FCHSD2: variants seen among roughly 807,000 people sequenced by gnomAD.
FCHSD2 encodes FCH and double SH3 domains 2, also known as F-BAR and double SH3 domains protein 2.
Under a neutral mutation model 108.1 loss-of-function variants are expected in FCHSD2, and 38 were observed. That is an observed-to-expected ratio of 0.35 (90% CI 0.27 to 0.46). The LOEUF (loss-of-function observed/expected upper bound fraction) is 0.46. Among genes scored for constraint, FCHSD2 ranks in the 20% least tolerant of loss-of-function variants. The pLI is 1.00. For synonymous variants in FCHSD2, 279 were observed against 314.7 expected (o/e 0.89, Z 1.20); for missense variants, 751 against 897.8 (o/e 0.84, Z 2.09).
chr11:72,880,591 G>A (rs185064989), intron 12 of FCHSD2, among the ~76,000 whole-genome samples: 6 of 152,004 alleles, frequency 3.9e-5, no homozygotes, highest in African/African-American at 9.6e-5. Flanking sequence ...TATAAAAGTC[G>A]GCTCAAAATG....
intron 2 of FCHSD2, among the ~76,000 whole-genome samples, chr11:73,087,848 A>G (rs1859860628): frequency 6.6e-6 from 1 of 152,194 alleles, no homozygotes; most frequent in South Asian, 2.1e-4. Flanking sequence ...AGCAACTTCC[A>G]GTCTCCTAAG....
chr11:72,970,338 C>G (rs535992534), intron 8 of FCHSD2, among the ~76,000 whole-genome samples: 1 of 152,142 alleles, frequency 6.6e-6, no homozygotes, highest in African/African-American at 2.4e-5. Context: ...AAAATACTTA[C>G]AATTCTAATG....
chr11:72,853,932 ATAAT>A (rs1429402941), intron 13 of FCHSD2, among the ~76,000 whole-genome samples: 1 of 152,352 alleles, frequency 6.6e-6, no homozygotes. Flanking sequence ...ATCTTTCCAA[ATAAT>A]TTATGTAAAT....
chr11:73,059,063 C>G (rs1859101214), intron 3 of FCHSD2, among the ~76,000 whole-genome samples: 1 of 152,052 alleles, frequency 6.6e-6, no homozygotes, highest in Non-Finnish European at 1.5e-5. Flanking sequence ...TTGAACTGTA[C>G]TCAATTCAAC....
chr11:73,002,657 A>G (rs921747784), intron 4 of FCHSD2, among the ~76,000 whole-genome samples: 1 of 152,186 alleles, frequency 6.6e-6, no homozygotes, highest in African/African-American at 2.4e-5. Flanking sequence ...GAAGGGAGAT[A>G]CCCTTCATCC....
intron 13 of FCHSD2, among the ~76,000 whole-genome samples, chr11:72,866,888 A>G (rs1162420222): frequency 6.6e-6 from 1 of 152,218 alleles, no homozygotes; most frequent in East Asian, 1.9e-4. Context: ...CTATGAAGAC[A>G]GTGGGAAGTT....
intron 3 of FCHSD2, among the ~76,000 whole-genome samples, chr11:73,076,228 T>C (rs1565398642): frequency 6.6e-6 from 1 of 152,208 alleles, no homozygotes; most frequent in Non-Finnish European, 1.5e-5. Context: ...AAGACTAATA[T>C]GGTTATTAGG....
intron 8 of FCHSD2, among the ~76,000 whole-genome samples, chr11:72,941,278 T>C (rs1856412803): frequency 6.6e-6 from 1 of 152,128 alleles, no homozygotes; most frequent in Non-Finnish European, 1.5e-5. Flanking sequence ...CAGTAAATAT[T>C]TGTTAAATTA....
At chr11:72,924,325 T>G (rs1293854561) in intron 8 of FCHSD2, among the ~76,000 whole-genome samples, 1 of 152,106 alleles carries the variant, frequency 6.6e-6, no homozygotes, top group East Asian at 1.9e-4. Context: ...TTGCCCAGGC[T>G]GGAGTGCAGT....
At position 73,054,822 on chromosome 11, in the gene FCHSD2, A is replaced by G. The variant is rs746819034; in HGVS notation, c.165+28873T>C. Among the ~76,000 whole-genome samples the G allele has an allele frequency of 1.2e-3, 185 of 152,246 alleles. 1 individual carries two copies. The highest frequency in any genetic ancestry group is 1.9e-3 in the Non-Finnish European group (132 of 68,012). On this transcript the variant is annotated intron_variant, in intron 3 of 19. Coordinates refer to ENST00000409418, the MANE Select transcript of FCHSD2 (RefSeq NM_014824.3). ...CTCTAGAGTAGCTAGGACTACAGAC[A>G]TGTGGGCCTGGTGGCATGTGCCTGT...
Position 73,015,863 on chromosome 11 carries a change from T to C in FCHSD2, c.188A>G (p.Gln63Arg), listed in dbSNP as rs746866405. 24 of 1,602,766 alleles carry C rather than the reference T, an allele frequency of 1.5e-5. No homozygotes were observed. The highest frequency in any genetic ancestry group is 5.1e-5 in the Admixed American group (3 of 59,292). ...TCCAGGCCAATCTCTCTTCAGGTATTGACTAGCCAACTTCTGCATACCCTG... is the reference window on the plus strand; with the variant it reads ...TCCAGGCCAATCTCTCTTCAGGTATCGACTAGCCAACTTCTGCATACCCTG... ...YAQGMQKLAS[Q>R]YLKRDWPGVK... The change falls in exon 4 of 20, where the codon CAA becomes CGA. Residue 63 changes from glutamine to arginine, a missense_variant. Coordinates refer to ENST00000409418, the MANE Select transcript of FCHSD2 (RefSeq NM_014824.3).
chr11:72,975,509 T>A (rs1857088280), intron 8 of FCHSD2, among the ~76,000 whole-genome samples: 1 of 152,148 alleles, frequency 6.6e-6, no homozygotes, highest in Non-Finnish European at 1.5e-5. Context: ...GAGAGAAGAT[T>A]TGGAAATGTT....
intron 2 of FCHSD2, among the ~76,000 whole-genome samples, chr11:73,123,760 T>G (rs1438389084): frequency 6.6e-6 from 1 of 152,112 alleles, no homozygotes; most frequent in Non-Finnish European, 1.5e-5. Context: ...TCAAATGCAG[T>G]CTAAACAGAG....
In FCHSD2 at chr11:72,867,962, G is replaced by A; in HGVS notation, c.1211C>T (p.Thr404Ile). The change falls in exon 13 of 20, where the codon ACA becomes ATA. Residue 404 changes from threonine to isoleucine, a missense_variant. Coordinates refer to ENST00000409418, the MANE Select transcript of FCHSD2 (RefSeq NM_014824.3). ...TTGGTTCATGGCACTCTTTAGCCAT[G>A]TGTCCACAGAAACACCAATCTGCTT... ...LLKQIGVSVDTWLKSAMNQVM... is the reference protein window; with the variant it reads ...LLKQIGVSVDIWLKSAMNQVM... 2 of 1,593,184 alleles carry A rather than the reference G, an allele frequency of 1.3e-6. No individual in the cohort carries two copies. The highest frequency in any genetic ancestry group is 8.6e-7 in the Non-Finnish European group (1 of 1,169,564).
chr11:72,842,373 A>G (rs1860986008), intron 17 of FCHSD2, among the ~76,000 whole-genome samples: 3 of 152,198 alleles, frequency 2.0e-5, no homozygotes, highest in Admixed American at 1.3e-4. Flanking sequence ...ATAATTTGGC[A>G]TTTTGGTTAA....
chr11:72,879,596 G>A (rs1855037990), intron 12 of FCHSD2, among the ~76,000 whole-genome samples: 1 of 152,072 alleles, frequency 6.6e-6, no homozygotes, highest in Non-Finnish European at 1.5e-5. Context: ...AACTTATAGA[G>A]CTAAAAATAT....
At chr11:73,093,556 A>G (rs942525960) in intron 2 of FCHSD2, among the ~76,000 whole-genome samples, 4 of 152,160 alleles carry the variant, frequency 2.6e-5, no homozygotes, top group African/African-American at 9.7e-5. Context: ...CAAAATCCCT[A>G]AGAATGTTCA....
chr11:72,848,604 C>G (rs1260377120), intron 14 of FCHSD2, among the ~76,000 whole-genome samples: 1 of 152,176 alleles, frequency 6.6e-6, no homozygotes, highest in South Asian at 2.1e-4. Flanking sequence ...GGCATCCCCC[C>G]AGTGTATCAC....
intron 8 of FCHSD2, among the ~76,000 whole-genome samples, chr11:72,927,687 A>G (rs1259108677): frequency 6.6e-6 from 1 of 152,228 alleles, no homozygotes; most frequent in African/African-American, 2.4e-5. Flanking sequence ...CCATACTTTG[A>G]AAACTACTGA....
Sources: gnomAD v4.1 joint callset for allele counts (sites outside exome capture counted in the v4.1 genomes callset) on GRCh38, gnomAD v4.1.1 for gene constraint, MANE v1.5 for transcripts, NCBI Gene and HGNC (gene_info 2026-07-23, HGNC 2026-07-21) for gene names.